Variants in MYOT observed in about 807,000 individuals in gnomAD.
The protein encoded by MYOT is 57 kDa cytoskeletal protein.
A neutral mutation model predicts 58.0 loss-of-function variants in MYOT; 36 were observed. That is an observed-to-expected ratio of 0.62 (90% CI 0.48 to 0.82). MYOT has a LOEUF of 0.82. Among genes scored for constraint, MYOT ranks in the 40% least tolerant of loss-of-function variants. MYOT has a pLI of 0.00. For synonymous variants in MYOT, 218 were observed against 204.6 expected (o/e 1.07, Z -0.56); for missense variants, 505 against 592.1 (o/e 0.85, Z 1.53).
chr5:137,883,166 G>A (rs1755489191), intron 6 of MYOT: 1 of 536,364 alleles, frequency 1.9e-6, no homozygotes, highest in South Asian at 2.1e-5. Flanking sequence ...ATGTAAAAGA[G>A]TTATGGTTTG....
chr5:137,880,603 T>C (rs1755394798), intron 4 of MYOT: 1 of 488,632 alleles, frequency 2.0e-6, no homozygotes, highest in Non-Finnish European at 3.7e-6. Flanking sequence ...ATAATACTTG[T>C]TGAATAGTCC....
chr5:137,885,094 G>C (rs1384925849), intron 7 of MYOT, among the ~76,000 whole-genome samples: 1 of 152,180 alleles, frequency 6.6e-6, no homozygotes, highest in African/African-American at 2.4e-5. Context: ...AAGAGATCTT[G>C]GCTGCCATCC....
chr5:137,877,374 A>G (rs1190455614), intron 3 of MYOT, 146 bp from the exon 4 acceptor site: 30 of 540,770 alleles, frequency 5.5e-5, no homozygotes, highest in Middle Eastern at 1.1e-3. Context: ...TCTCAAAAAA[A>G]AAAAAAAAAA....
At chr5:137,884,706 AT>A (rs904844802) in intron 7 of MYOT, among the ~76,000 whole-genome samples, 1 of 152,148 alleles carries the variant, frequency 6.6e-6, no homozygotes, top group Non-Finnish European at 1.5e-5. Flanking sequence ...TAACGCTAAT[AT>A]TCTAAAATAA....
At chr5:137,875,406 G>A (rs1425012636) in intron 2 of MYOT, among the ~76,000 whole-genome samples, 1 of 152,084 alleles carries the variant, frequency 6.6e-6, no homozygotes, top group African/African-American at 2.4e-5. Flanking sequence ...CACCTCTTGG[G>A]TGACAGAATC....
At chr5:137,876,032 G>A (rs757735100) in intron 3 of MYOT, 29 bp downstream of exon 3, 9 of 1,610,538 alleles carry the variant, frequency 5.6e-6, no homozygotes, top group South Asian at 3.3e-5. Context: ...TTGTACAAAA[G>A]GCCAATTAAA....
At chr5:137,885,986 G>T in intron 7 of MYOT, 62 bp from the exon 8 acceptor site, 1 of 1,118,880 alleles carries the variant, frequency 8.9e-7, no homozygotes, top group Non-Finnish European at 1.3e-6. Flanking sequence ...ATAATACCTT[G>T]GTTTGATTTA....
At position 137,887,419 on chromosome 5, in the gene MYOT, A is replaced by G; in HGVS notation, c.*34A>G. On this transcript the variant is annotated 3_prime_UTR_variant, in exon 10 of 10. Transcript: ENST00000239926. ...CCAACATTGGAAAACAGCCAACTACACCATTAGTAATATATTTGATTACAT... is the reference window on the plus strand; with the variant it reads ...CCAACATTGGAAAACAGCCAACTACGCCATTAGTAATATATTTGATTACAT... 1 of 1,600,796 alleles carries G rather than the reference A, an allele frequency of 6.2e-7. No homozygotes were observed. The highest frequency in any genetic ancestry group is 8.6e-7 in the Non-Finnish European group (1 of 1,168,500).
chr5:137,871,081 G>T (rs953512689), intron 2 of MYOT, 74 bp downstream of exon 2: 108 of 1,249,732 alleles, frequency 8.6e-5, no homozygotes, highest in Middle Eastern at 1.9e-4. Context: ...AGGAGTTTTG[G>T]GGGTATGCTG....
intron 7 of MYOT, among the ~76,000 whole-genome samples, chr5:137,885,412 C>T (rs1755564268): frequency 6.6e-6 from 1 of 151,880 alleles, no homozygotes; most frequent in African/African-American, 2.4e-5. Context: ...TAATTTGAAC[C>T]CAAGCTGTCT....
intron 3 of MYOT, among the ~76,000 whole-genome samples, chr5:137,876,907 G>C (rs1755240491): frequency 6.6e-6 from 1 of 152,094 alleles, no homozygotes; most frequent in Non-Finnish European, 1.5e-5. Context: ...AACAACGGAG[G>C]AAAGGGTTGA....
Position 137,887,297 on chromosome 5 carries a change from G to A in MYOT, c.1409G>A (p.Gly470Asp), listed in dbSNP as rs149213350. The A allele has an allele frequency of 2.5e-6, 4 of 1,613,924 alleles. No individual in the cohort carries two copies. The highest frequency in any genetic ancestry group is 2.5e-6 in the Non-Finnish European group (3 of 1,179,984). Reference protein sequence around the residue: ...FSKYLALNGKGLNVKQAFNPE... With the variant: ...FSKYLALNGKDLNVKQAFNPE... ...AAATATTTAGCACTTAATGGGAAAG[G>A]TTTGAATGTAAAACAAGCTTTTAAC... is the stretch of plus-strand genomic sequence containing the variant. Residue 470 changes from glycine to aspartate, a missense_variant, in exon 10 of 10, where the codon GGT becomes GAT. Coordinates refer to ENST00000239926, the MANE Select transcript of MYOT (RefSeq NM_006790.3).
chr5:137,886,772 G>A, intron 8 of MYOT, 92 bp from the exon 9 acceptor site: 1 of 968,650 alleles, frequency 1.0e-6, no homozygotes, highest in Non-Finnish European at 1.6e-6. Flanking sequence ...ATTTTCAAAT[G>A]TTTTTTTCTT....
rs1755641825 is a variant in MYOT at position 137,887,445 on chromosome 5, T to G, written c.*60T>G. Reference sequence around the variant, plus strand: ...CCATTAGTAATATATTTGATTACATTTTTTTGAAATTAATCCATAGCTGTA... The same window carrying G: ...CCATTAGTAATATATTTGATTACATGTTTTTGAAATTAATCCATAGCTGTA... On this transcript the variant is annotated 3_prime_UTR_variant, in exon 10 of 10. Transcript: ENST00000239926. 1 of 1,543,918 alleles carries G rather than the reference T, an allele frequency of 6.5e-7. No homozygotes were observed. Among genetic ancestry groups the G allele is most frequent in the Admixed American group, 1.7e-5 (1 of 59,370 alleles).
intron 2 of MYOT, among the ~76,000 whole-genome samples, chr5:137,875,419 T>G (rs187280970): frequency 2.6e-5 from 4 of 152,220 alleles, no homozygotes; most frequent in Non-Finnish European, 4.4e-5. Context: ...ACAGAATCAT[T>G]AGAAGGCCAA....
chr5:137,870,723 T>C lies in MYOT; in HGVS notation c.72T>C (p.Pro24=), dbSNP rs1362455902. Residue 24 remains proline (P), a synonymous_variant, in exon 2 of 10, where the codon CCT becomes CCC. Coordinates refer to ENST00000239926, the MANE Select transcript of MYOT (RefSeq NM_006790.3). ...CATGTGGCTCCAGATTGCAGCCTCC[T>C]GGACCAGAAACCTCCAGCTTCTCTA... ...QNPCGSRLQP[P]GPETSSFSSQ... 8.1e-6 allele frequency: 13 copies of C among 1,614,124 alleles called. No individual in the cohort carries two copies. Among genetic ancestry groups the C allele is most frequent in the Non-Finnish European group, 1.1e-5 (13 of 1,180,050 alleles).
In MYOT at chr5:137,887,560, C is replaced by A; in HGVS notation, c.*175C>A. ...TGACTCTTGCACATTCTATGTACCC[C>A]TCCGATTTGTGAAGCCTACAGGAAA... On this transcript the variant is annotated 3_prime_UTR_variant, in exon 10 of 10. Coordinates refer to ENST00000239926, the MANE Select transcript of MYOT (RefSeq NM_006790.3). The A allele has an allele frequency of 2.7e-6, 1 of 365,922 alleles. No individual in the cohort carries two copies. The highest frequency in any genetic ancestry group is 4.4e-6 in the Non-Finnish European group (1 of 227,560). 22.7% of individuals were successfully genotyped at this position (365,922 alleles called of 1,614,324 possible).
At chr5:137,871,295 A>C (rs1755043384) in intron 2 of MYOT, among the ~76,000 whole-genome samples, 1 of 152,210 alleles carries the variant, frequency 6.6e-6, no homozygotes, top group African/African-American at 2.4e-5. Context: ...ATAATTTCTC[A>C]CATACCAAAG....
At chr5:137,872,574 C>T (rs952136164) in intron 2 of MYOT, among the ~76,000 whole-genome samples, 1 of 152,186 alleles carries the variant, frequency 6.6e-6, no homozygotes, top group Non-Finnish European at 1.5e-5. Flanking sequence ...ACTCTTTAAT[C>T]TTCCCATAGC....
Sources: allele counts gnomAD v4.1 joint callset (sites outside exome capture counted in the v4.1 genomes callset), GRCh38; gene constraint gnomAD v4.1.1; transcripts MANE v1.5; gene names NCBI Gene and HGNC (gene_info 2026-07-23, HGNC 2026-07-21).